Variants in HPS1 observed in about 807,000 individuals in gnomAD.
The protein encoded by HPS1 is HPS1 biogenesis of lysosomal organelles complex 3 subunit 1.
Under a neutral mutation model 90.6 loss-of-function variants are expected in HPS1, and 59 were observed. The observed-to-expected ratio is 0.65, with a 90% confidence interval of 0.53 to 0.81. The LOEUF (loss-of-function observed/expected upper bound fraction) is 0.81. HPS1 is among the 30% of genes least tolerant of loss of function. The pLI, the probability that HPS1 is intolerant of heterozygous loss-of-function variation, is 0.00. For missense variants in HPS1, 849 were observed against 896.7 expected, an observed-to-expected ratio of 0.95 and a Z score of 0.68; for synonymous variants, 388 against 384.4, an observed-to-expected ratio of 1.01 and a Z score of -0.11.
chr10:98,425,435 G>T, intron 13 of HPS1, 106 bp downstream of exon 13: 2 of 1,130,306 alleles, frequency 1.8e-6, no homozygotes, highest in African/African-American at 1.5e-5. Context: ...GTGGAGCCCG[G>T]ACAGGAACCC....
In HPS1 at chr10:98,426,701, T is replaced by A. The variant is rs528892594; in HGVS notation, c.987+514A>T. On this transcript the variant is annotated intron_variant, in intron 11 of 19. Coordinates refer to ENST00000361490, the MANE Select transcript of HPS1 (RefSeq NM_000195.5). ...AATAAAAAAGTATAATGAAACACGT[T>A]AGTATCCAAATCTGATTTTAAAAAT... 2.0e-5 allele frequency among the ~76,000 whole-genome samples: 3 copies of A among 151,936 alleles called. 1 individual carries two copies. In the South Asian group the frequency reaches 6.3e-4, roughly 32 times the overall value.
In HPS1 at chr10:98,446,807, C is replaced by T. The variant is rs1383120459; in HGVS notation, c.-106G>A. The T allele has an allele frequency of 2.0e-5, 3 of 152,224 alleles. No individual in the cohort carries two copies. The highest frequency in any genetic ancestry group is 4.4e-5 in the Non-Finnish European group (3 of 68,054). 9.4% of individuals were successfully genotyped at this position (152,224 alleles called of 1,614,324 possible). Reference sequence around the variant, plus strand: ...GCTCCGGGACCCCTAGGGACCCTACCTCACTTCCGGGAGGGTTGAAGGGGG... The same window carrying T: ...GCTCCGGGACCCCTAGGGACCCTACTTCACTTCCGGGAGGGTTGAAGGGGG... On this transcript the variant is annotated splice_region_variant and 5_prime_UTR_variant, in exon 1 of 20. Coordinates refer to ENST00000361490, the MANE Select transcript of HPS1 (RefSeq NM_000195.5).
At position 98,417,451 on chromosome 10, in the gene HPS1, C is replaced by T; in HGVS notation, c.*113G>A. ...AAGCCCTGGGGCCACCCTGGGCACTCTGCCCTATCCTCAGGATGGCCACTG... is the reference window on the plus strand; with the variant it reads ...AAGCCCTGGGGCCACCCTGGGCACTTTGCCCTATCCTCAGGATGGCCACTG... On this transcript the variant is annotated 3_prime_UTR_variant, in exon 20 of 20. Coordinates refer to ENST00000361490, the MANE Select transcript of HPS1 (RefSeq NM_000195.5). The surrounding 1 kb of genome is among the most constrained non-coding windows in gnomAD (Gnocchi z 4.2). The T allele has an allele frequency of 2.1e-6, 2 of 963,044 alleles. No homozygotes were observed. The highest frequency in any genetic ancestry group is 3.3e-4 in the Middle Eastern group (1 of 3,018). The allele number at this position is 963,044 out of a possible 1,614,324, so 59.7% of individuals were successfully genotyped here.
At chr10:98,423,466 A>G in intron 16 of HPS1, 137 bp downstream of exon 16, 1 of 825,336 alleles carries the variant, frequency 1.2e-6, no homozygotes, top group Non-Finnish European at 2.1e-6. Flanking sequence ...ATTTTCCTTC[A>G]GAGAGGTGGT....
intron 8 of HPS1, among the ~76,000 whole-genome samples, 171 bp from the exon 9 acceptor site, chr10:98,430,060 G>A (rs551819374): frequency 1.3e-5 from 2 of 152,280 alleles, no homozygotes; most frequent in Non-Finnish European, 2.9e-5. Flanking sequence ...GATTCTAGGC[G>A]GTCTGTTCTG....
In HPS1 at chr10:98,423,602, T is replaced by A. The variant is rs1845193663; in HGVS notation, c.1598+1A>T. On this transcript the variant is annotated splice_donor_variant, in intron 16 of 19. Coordinates refer to ENST00000361490, the MANE Select transcript of HPS1 (RefSeq NM_000195.5). LOFTEE classifies it high-confidence loss of function. ...TGGCTGGGGCCCCGGCGTCAGGATA[T>A]GACACCATGGTGATGTTCCTCCTGC... 2 of 1,613,850 alleles carry A rather than the reference T, an allele frequency of 1.2e-6. No homozygotes were observed. The highest frequency in any genetic ancestry group is 1.7e-6 in the Non-Finnish European group (2 of 1,179,880).
chr10:98,422,348 G>A (rs772134428), intron 17 of HPS1, 21 bp downstream of exon 17: 17 of 943,576 alleles, frequency 1.8e-5, no homozygotes, highest in East Asian at 1.6e-4. Flanking sequence ...ACCCATCCCC[G>A]CCCTGGGTCC....
At position 98,417,516 on chromosome 10, in the gene HPS1, AG is replaced by A; in HGVS notation, c.*47del. ...TCGTCATGGGGAACAGTGGCAAGCA[AG>A]GGTGGCTGGAGGACAGGATGCAAAG... On this transcript the variant is annotated 3_prime_UTR_variant, in exon 20 of 20. Coordinates refer to ENST00000361490, the MANE Select transcript of HPS1 (RefSeq NM_000195.5). This position sits in a 1 kb window ranked among gnomAD's most constrained non-coding sequence, Gnocchi z 4.2. 1 of 1,541,872 alleles carries A rather than the reference AG, an allele frequency of 6.5e-7. No homozygotes were observed. The highest frequency in any genetic ancestry group is 2.3e-5 in the East Asian group (1 of 43,742).
rs771185179 is a variant in HPS1 at position 98,425,846 on chromosome 10, T to G, written c.1127A>C (p.Gln376Pro). 5 of 1,613,912 alleles carry G rather than the reference T, an allele frequency of 3.1e-6. No homozygotes were observed. The East Asian group carries it at 8.9e-5, about 29-fold the overall frequency. ...GGTCAGGAGCACCAGGTTGATGCCC[T>G]GCCACAGGGGCAGGCAGTACATGGT... is the stretch of plus-strand genomic sequence containing the variant. The part of the protein sequence containing the change: ...PHTMYCLPLW[Q>P]GINLVLLTRS... Residue 376 changes from glutamine (Q) to proline (P), a missense_variant, in exon 12 of 20, where the codon CAG becomes CCG. Coordinates refer to ENST00000361490, the MANE Select transcript of HPS1 (RefSeq NM_000195.5).
At chr10:98,438,826 G>A (rs997953717) in intron 3 of HPS1, among the ~76,000 whole-genome samples, 3 of 152,222 alleles carry the variant, frequency 2.0e-5, no homozygotes, top group African/African-American at 7.2e-5. Flanking sequence ...GGGCCTGTCA[G>A]AGGTCTTCAC....
At chr10:98,428,826 T>C (rs888611848) in intron 10 of HPS1, among the ~76,000 whole-genome samples, 2 of 151,858 alleles carry the variant, frequency 1.3e-5, no homozygotes, top group African/African-American at 4.8e-5. Context: ...GTTAACATTT[T>C]GAATATTTGT....
At chr10:98,420,347 A>AC in intron 17 of HPS1, 189 bp from the exon 18 acceptor site, 1 of 616,180 alleles carries the variant, frequency 1.6e-6, no homozygotes, top group Non-Finnish European at 2.9e-6. Context: ...TGGATGGACT[A>AC]CCCTCCAGTT....
chr10:98,415,148 C>T (rs369929690), downstream of HPS1: 1 of 1,610,650 alleles, frequency 6.2e-7, no homozygotes, highest in African/African-American at 1.3e-5. Flanking sequence ...CTGCCCCAGG[C>T]TGGGCCTTGC....
chr10:98,425,914 C>T lies in HPS1; in HGVS notation c.1059G>A (p.Leu353=). 6.2e-7 allele frequency: 1 copy of T among 1,614,108 alleles called. No individual in the cohort carries two copies. The highest frequency in any genetic ancestry group is 1.1e-5 in the South Asian group (1 of 91,080). The change falls in exon 12 of 20, where the codon CTG becomes CTA. Residue 353 remains leucine (L), a synonymous_variant. Coordinates refer to ENST00000361490, the MANE Select transcript of HPS1 (RefSeq NM_000195.5). The part of the protein sequence containing the change: ...PVPSGPRRIF[L]DANVKESYCP... ...AGTAGCTTTCCTTCACGTTGGCATC[C>T]AGGAAGATCCTTCTGGGGCCGGAAG...
chr10:98,445,078 T>C lies in HPS1; in HGVS notation c.-1+222A>G, dbSNP rs74532915. On this transcript the variant is annotated intron_variant, in intron 2 of 19. Transcript: ENST00000361490. This position sits in a 1 kb window ranked among gnomAD's most constrained non-coding sequence, Gnocchi z 4.5. ...TGGGGGCTGGGAGGAGCTTTAAAGA[T>C]GCAGCAGGCTGTGATGACCTGCCTG... Among the ~76,000 whole-genome samples the C allele has an allele frequency of 2.0e-5, 3 of 151,974 alleles. No homozygotes were observed. The highest frequency in any genetic ancestry group is 4.4e-5 in the Non-Finnish European group (3 of 67,988).
chr10:98,415,650 C>T (rs79854246), downstream of HPS1, among the ~76,000 whole-genome samples: 2,838 of 152,356 alleles, frequency 0.019, 89 homozygotes, highest in African/African-American at 0.063. Context: ...GATGCCTCTA[C>T]GCCCACAGGA....
At chr10:98,415,684 G>A (rs776947168), downstream of HPS1, among the ~76,000 whole-genome samples, 3 of 152,234 alleles carry the variant, frequency 2.0e-5, no homozygotes, top group Non-Finnish European at 2.9e-5. Context: ...GCCATCTAGC[G>A]TCACCACGAC....
rs749883025 is a variant in HPS1, at chr10:98,435,341, T to C, written c.329A>G (p.Tyr110Cys). 10 of 1,613,448 alleles carry C rather than the reference T, an allele frequency of 6.2e-6. No individual in the cohort carries two copies. Among genetic ancestry groups the C allele is most frequent in the Non-Finnish European group, 8.5e-6 (10 of 1,179,938 alleles). ...CACTTCAAACAGGTACTTGAGCACA[T>C]ACAGCTTCCGCCGCAGGTCCCCCTC... ...ESEGDLRRKL[Y>C]VLKYLFEVHF... Residue 110 changes from tyrosine to cysteine, a missense_variant, in exon 5 of 20, where the codon TAT becomes TGT. Transcript: ENST00000361490. The surrounding 1 kb of genome is among the most constrained non-coding windows in gnomAD (Gnocchi z 4.3).
intron 16 of HPS1, among the ~76,000 whole-genome samples, 165 bp from the exon 17 acceptor site, chr10:98,422,678 C>T (rs565559470): frequency 3.9e-5 from 6 of 152,318 alleles, no homozygotes; most frequent in African/African-American, 1.4e-4. Context: ...TCCTCAGATC[C>T]CCCACTACCT....
Sources: gnomAD v4.1 joint callset for allele counts (sites outside exome capture counted in the v4.1 genomes callset) on GRCh38, gnomAD v4.1.1 for gene constraint, Gnocchi (gnomAD v3.1) non-coding constraint, MANE v1.5 for transcripts, NCBI Gene and HGNC (gene_info 2026-07-23, HGNC 2026-07-21) for gene names.